SPATA17: variants seen among roughly 807,000 people sequenced by gnomAD.
SPATA17 encodes spermatogenesis-associated protein 17.
SPATA17 carries 53 observed loss-of-function variants against 62.2 expected under a neutral mutation model. The ratio of observed to expected loss-of-function variants is 0.85; its 90% CI spans 0.68 to 1.07. SPATA17 has a LOEUF of 1.07. SPATA17 is among the 50% of genes least tolerant of loss of function. The pLI is 0.00. For synonymous variants in SPATA17, 146 were observed against 146.8 expected (o/e 0.99, Z 0.04); for missense variants, 466 against 425.5 (o/e 1.10, Z -0.84).
chr1:217,711,391 T>A (rs1355549394), intron 5 of SPATA17, among the ~76,000 whole-genome samples: 2 of 152,224 alleles, frequency 1.3e-5, no homozygotes, highest in Non-Finnish European at 2.9e-5. Context: ...CATGTTTTCA[T>A]TTATCTTGGG....
intron 6 of SPATA17, among the ~76,000 whole-genome samples, chr1:217,747,689 C>T (rs866152472): frequency 8.5e-5 from 13 of 152,072 alleles, no homozygotes; most frequent in African/African-American, 2.2e-4. Context: ...TAAGGGTTTA[C>T]ACATATTGAA....
intron 8 of SPATA17, among the ~76,000 whole-genome samples, chr1:217,792,780 T>G (rs767514527): frequency 6.6e-6 from 1 of 151,672 alleles, no homozygotes; most frequent in African/African-American, 2.4e-5. Flanking sequence ...TCAAATACAG[T>G]TTTTTTTGTG....
chr1:217,688,599 T>C (rs1335311183), intron 5 of SPATA17, among the ~76,000 whole-genome samples: 1 of 152,206 alleles, frequency 6.6e-6, no homozygotes, highest in Non-Finnish European at 1.5e-5. Flanking sequence ...TTATCAATTT[T>C]AGAAGCATCA....
chr1:217,738,674 G>A lies in SPATA17; in HGVS notation c.396-3301G>A, dbSNP rs540559612. Among the ~76,000 whole-genome samples the A allele has an allele frequency of 7.2e-4, 110 of 152,270 alleles. 1 individual carries two copies. In the South Asian group the frequency reaches 0.022, roughly 30 times the overall value. On this transcript the variant is annotated intron_variant, in intron 5 of 10. Coordinates refer to ENST00000366933, the MANE Select transcript of SPATA17 (RefSeq NM_138796.4). ...CATTTGAGAGTCTATGCTCTTGGCC[G>A]GGTGCGATGGCTCACGCCTGCAATC...
rs149160986 is a variant in SPATA17, at chr1:217,796,680, A to G, written c.873-5038A>G. On this transcript the variant is annotated intron_variant, in intron 8 of 10. Transcript: ENST00000366933. ...TTATAGCTATGGTTTGTCCTCAACC[A>G]TAAAGGAAGTCTGTCTAATTTCTAT... 3.4e-3 allele frequency among the ~76,000 whole-genome samples: 514 copies of G among 152,318 alleles called. 3 individuals carry two copies. The highest frequency in any genetic ancestry group is 5.6e-3 in the Non-Finnish European group (379 of 68,010).
At chr1:217,866,458 T>C (rs1379249293) in intron 10 of SPATA17, 2 of 152,102 alleles carry the variant, frequency 1.3e-5, no homozygotes, top group East Asian at 3.9e-4. Flanking sequence ...TTTTAGTTTG[T>C]TTGTTTTTGT....
At chr1:217,764,459 C>A (rs1053546869) in intron 6 of SPATA17, among the ~76,000 whole-genome samples, 29 of 152,072 alleles carry the variant, frequency 1.9e-4, no homozygotes, top group African/African-American at 7.0e-4. Context: ...GTTAGAGGTA[C>A]CACAGTGTAT....
At chr1:217,770,024 A>C (rs1034776224) in intron 6 of SPATA17, among the ~76,000 whole-genome samples, 1 of 152,210 alleles carries the variant, frequency 6.6e-6, no homozygotes. Flanking sequence ...GATGAAGTAC[A>C]TTGGTCAGTG....
chr1:217,653,131 A>G (rs1396855847), intron 3 of SPATA17, among the ~76,000 whole-genome samples: 3 of 152,146 alleles, frequency 2.0e-5, no homozygotes, highest in African/African-American at 7.2e-5. Flanking sequence ...TGATAATTTT[A>G]TTATATGTGA....
chr1:217,663,554 T>G (rs1245228323), intron 3 of SPATA17, among the ~76,000 whole-genome samples: 2 of 152,192 alleles, frequency 1.3e-5, no homozygotes, highest in African/African-American at 4.8e-5. Flanking sequence ...AGAAATTAAT[T>G]TAATGATTAT....
chr1:217,857,964 A>C (rs1269212764), intron 9 of SPATA17, among the ~76,000 whole-genome samples: 1 of 152,204 alleles, frequency 6.6e-6, no homozygotes. Flanking sequence ...CATTGCAGAC[A>C]CCAAAATGTT....
intron 6 of SPATA17, among the ~76,000 whole-genome samples, chr1:217,745,247 T>A (rs1426393678): frequency 6.6e-6 from 1 of 152,176 alleles, no homozygotes; most frequent in Non-Finnish European, 1.5e-5. Flanking sequence ...GTAAACTTCA[T>A]CATAGTGATC....
intron 5 of SPATA17, among the ~76,000 whole-genome samples, chr1:217,706,898 G>A (rs1469937013): frequency 7.0e-6 from 1 of 143,324 alleles, no homozygotes; most frequent in Admixed American, 7.1e-5. Context: ...ATGGAGTCTT[G>A]CTCTTTCACC....
chr1:217,657,920 G>A (rs551844322), intron 3 of SPATA17, among the ~76,000 whole-genome samples: 1 of 152,242 alleles, frequency 6.6e-6, no homozygotes, highest in Non-Finnish European at 1.5e-5. Context: ...GAAGGTGAAA[G>A]GTATGTCTTA....
intron 9 of SPATA17, among the ~76,000 whole-genome samples, chr1:217,813,177 G>A (rs1488270099): frequency 2.0e-5 from 3 of 152,184 alleles, no homozygotes; most frequent in African/African-American, 7.2e-5. Context: ...ACACATCATA[G>A]ATTTAATGTG....
intron 5 of SPATA17, among the ~76,000 whole-genome samples, chr1:217,697,609 T>C (rs909325530): frequency 6.6e-6 from 1 of 152,098 alleles, no homozygotes; most frequent in African/African-American, 2.4e-5. Context: ...AAATAAAATA[T>C]ATTATCTTTT....
At chr1:217,811,322 C>T (rs1381641600) in intron 9 of SPATA17, among the ~76,000 whole-genome samples, 2 of 152,128 alleles carry the variant, frequency 1.3e-5, no homozygotes, top group Admixed American at 6.6e-5. Flanking sequence ...GCCACCACAC[C>T]CAGAGATTGT....
At chr1:217,782,116 C>G in intron 7 of SPATA17, 58 bp from the exon 8 acceptor site, 2 of 1,476,874 alleles carry the variant, frequency 1.4e-6, no homozygotes, top group South Asian at 1.5e-5. Flanking sequence ...CCTTGGTCAT[C>G]AGTAATACCT....
chr1:217,825,004 T>C (rs1375633870), intron 9 of SPATA17, among the ~76,000 whole-genome samples: 1 of 150,764 alleles, frequency 6.6e-6, no homozygotes, highest in African/African-American at 2.4e-5. Context: ...TACATTTATA[T>C]ACATATGAAT....
Sources: allele counts gnomAD v4.1 joint callset (sites outside exome capture counted in the v4.1 genomes callset), GRCh38; gene constraint gnomAD v4.1.1; transcripts MANE v1.5; gene names NCBI Gene and HGNC (gene_info 2026-07-23, HGNC 2026-07-21).